The following SHTN1 variants were observed in gnomAD, a reference collection of about 807,000 sequenced individuals.
The protein encoded by SHTN1 is shootin 1.
In SHTN1, 42 loss-of-function variants were observed where a neutral mutation model predicts 83.1. The observed-to-expected ratio is 0.51, with a 90% CI of 0.39 to 0.65. SHTN1 has a LOEUF of 0.65. Ranked by LOEUF, SHTN1 falls within the 30% of genes least tolerant of loss-of-function variation. SHTN1 has a pLI of 0.00. For synonymous variants in SHTN1, 224 were observed against 247.7 expected (o/e 0.90, Z 0.90); for missense variants, 622 against 737.8 (o/e 0.84, Z 1.82).
intron 1 of SHTN1, among the ~76,000 whole-genome samples, chr10:117,058,440 A>G (rs906507581): frequency 7.9e-5 from 12 of 152,186 alleles, no homozygotes; most frequent in African/African-American, 2.7e-4. Context: ...AATATCACTA[A>G]TCATTAAGTA....
chr10:116,902,279 T>C (rs1055171323), intron 15 of SHTN1, among the ~76,000 whole-genome samples: 1 of 152,194 alleles, frequency 6.6e-6, no homozygotes, highest in Non-Finnish European at 1.5e-5. Flanking sequence ...AGAGTATGGC[T>C]TTCTGACAGC....
intron 5 of SHTN1, among the ~76,000 whole-genome samples, chr10:116,952,646 A>G (rs990151470): frequency 2.0e-5 from 3 of 152,202 alleles, no homozygotes; most frequent in African/African-American, 7.2e-5. Flanking sequence ...ATCAACTGTA[A>G]GCGCAAAAGC....
At chr10:117,055,555 C>T (rs1018732286) in intron 1 of SHTN1, among the ~76,000 whole-genome samples, 1 of 145,228 alleles carries the variant, frequency 6.9e-6, no homozygotes, top group Non-Finnish European at 1.5e-5. Flanking sequence ...GTACTAAATG[C>T]TACTGAAATC....
At chr10:116,896,997 G>C (rs555137866) in intron 16 of SHTN1, among the ~76,000 whole-genome samples, 1 of 152,024 alleles carries the variant, frequency 6.6e-6, no homozygotes, top group Non-Finnish European at 1.5e-5. Flanking sequence ...AGTAGAGATA[G>C]GGTTTTGCCA....
At chr10:116,992,258 A>G (rs984474740) in intron 1 of SHTN1, among the ~76,000 whole-genome samples, 14 of 152,240 alleles carry the variant, frequency 9.2e-5, no homozygotes, top group Admixed American at 2.6e-4. Context: ...CTCCTCCCTG[A>G]TAACACAAGT....
intron 9 of SHTN1, among the ~76,000 whole-genome samples, chr10:116,937,412 C>G (rs954759160): frequency 6.6e-6 from 1 of 152,110 alleles, no homozygotes; most frequent in African/African-American, 2.4e-5. Flanking sequence ...ATTTCTCCTT[C>G]GCTTATGAAG....
intron 3 of SHTN1, among the ~76,000 whole-genome samples, chr10:116,968,331 C>G (rs188662932): frequency 5.3e-5 from 8 of 152,318 alleles, no homozygotes; most frequent in Non-Finnish European, 4.4e-5. Flanking sequence ...AAAAGACCAA[C>G]AAGGACAGAT....
At chr10:117,110,624 G>A (rs1372427605) in intron 1 of SHTN1, among the ~76,000 whole-genome samples, 1 of 151,714 alleles carries the variant, frequency 6.6e-6, no homozygotes, top group Non-Finnish European at 1.5e-5. Context: ...GCCTCCCAAA[G>A]TGCTAGGATT....
intron 2 of SHTN1, among the ~76,000 whole-genome samples, chr10:117,044,618 C>T (rs946350072): frequency 3.0e-4 from 45 of 152,034 alleles, no homozygotes; most frequent in African/African-American, 9.9e-4. Flanking sequence ...CTATAAGTAC[C>T]CAAATAACAG....
chr10:117,001,097 C>A (rs187498675), intron 1 of SHTN1, among the ~76,000 whole-genome samples: 17 of 151,396 alleles, frequency 1.1e-4, no homozygotes, highest in Admixed American at 3.3e-4. Context: ...AGGAAATATG[C>A]CTCGGAAATA....
rs528987111 is a variant in SHTN1 at position 116,999,359 on chromosome 10, G to A, written c.58+5663C>T. 5.3e-5 allele frequency among the ~76,000 whole-genome samples: 8 copies of A among 152,270 alleles called. No individual in the cohort carries two copies. In the East Asian group the frequency reaches 1.5e-3, roughly 29 times the overall value. On this transcript the variant is annotated intron_variant, in intron 1 of 16. Transcript: ENST00000355371. ...CAAAAGGTTAACAGTAGTTAACTTTGGGAAATGGGAATGGGGTCATAGCAT... is the reference window on the plus strand; with the variant it reads ...CAAAAGGTTAACAGTAGTTAACTTTAGGAAATGGGAATGGGGTCATAGCAT...
chr10:117,004,964 G>C (rs1434924151), intron 1 of SHTN1, 58 bp downstream of exon 1: 3 of 1,514,004 alleles, frequency 2.0e-6, no homozygotes, highest in East Asian at 2.4e-5. Context: ...CAGCGCCCTG[G>C]GGCCGTCCCC....
chr10:117,046,630 A>G (rs1283802473), intron 2 of SHTN1, among the ~76,000 whole-genome samples: 1 of 152,230 alleles, frequency 6.6e-6, no homozygotes, highest in Non-Finnish European at 1.5e-5. Context: ...ATATCCATCA[A>G]TTGGTAAATG....
chr10:116,921,153 GA>G (rs927382707), intron 12 of SHTN1, among the ~76,000 whole-genome samples: 4 of 152,020 alleles, frequency 2.6e-5, no homozygotes, highest in African/African-American at 4.8e-5. Context: ...CCCTCATTTG[GA>G]ATTACTCCCT....
chr10:116,885,352 T>G lies in SHTN1; in HGVS notation c.*992A>C, dbSNP rs1317171723. 1 of 152,614 alleles carries G rather than the reference T, an allele frequency of 6.6e-6. No homozygotes were observed. The highest frequency in any genetic ancestry group is 1.5e-5 in the Non-Finnish European group (1 of 68,044). The allele number at this position is 152,614 out of a possible 1,614,324, so 9.5% of individuals were successfully genotyped here. A position where few individuals can be genotyped will look rare whatever the true frequency, so the allele number is the denominator to read the frequency against. On this transcript the variant is annotated 3_prime_UTR_variant, in exon 17 of 17. Transcript: ENST00000355371. ...AAACAATCAACTTTGAAAAGCTGCATAAGTTTTTTTTTTAATCCCTGATTA... is the reference window on the plus strand; with the variant it reads ...AAACAATCAACTTTGAAAAGCTGCAGAAGTTTTTTTTTTAATCCCTGATTA...
chr10:116,926,060 A>G (rs1848733852), intron 11 of SHTN1, among the ~76,000 whole-genome samples: 1 of 152,174 alleles, frequency 6.6e-6, no homozygotes, highest in Non-Finnish European at 1.5e-5. Flanking sequence ...TCATCTTAAA[A>G]TAAAAATCAT....
intron 1 of SHTN1, among the ~76,000 whole-genome samples, chr10:117,115,803 A>G (rs1853838808): frequency 6.6e-6 from 1 of 152,246 alleles, no homozygotes; most frequent in Admixed American, 6.5e-5. Context: ...TATGCCAAGC[A>G]CTGATTAAAT....
chr10:117,126,183 G>A (rs1222561196), intron 1 of SHTN1: 1 of 153,014 alleles, frequency 6.5e-6, no homozygotes, highest in African/African-American at 2.4e-5. Flanking sequence ...GGCGTCTTAA[G>A]GGCCGGACCC....
At chr10:117,120,482 T>C (rs978929526) in intron 1 of SHTN1, among the ~76,000 whole-genome samples, 2 of 152,112 alleles carry the variant, frequency 1.3e-5, no homozygotes, top group Admixed American at 1.3e-4. Flanking sequence ...ACTCCTGACC[T>C]TGTGATCCGC....
Sources: allele counts gnomAD v4.1 joint callset (sites outside exome capture counted in the v4.1 genomes callset), GRCh38; gene constraint gnomAD v4.1.1; transcripts MANE v1.5; gene names NCBI Gene and HGNC (gene_info 2026-07-23, HGNC 2026-07-21).